CLSTN2: variants seen among roughly 807,000 people sequenced by gnomAD.
CLSTN2 encodes the protein calsyntenin-2.
CLSTN2 carries 48 observed loss-of-function variants against 101.2 expected under a neutral mutation model. That is an observed-to-expected ratio of 0.47 (90% CI 0.38 to 0.60). The LOEUF (loss-of-function observed/expected upper bound fraction) is 0.60. CLSTN2 is among the 20% of genes least tolerant of loss of function. CLSTN2 has a pLI of 0.00. For synonymous variants in CLSTN2, 481 were observed against 463.6 expected (o/e 1.04, Z -0.48); for missense variants, 1,160 against 1,238.2 (o/e 0.94, Z 0.95).
At chr3:140,171,695 A>ACGTATT (rs1559797230) in intron 1 of CLSTN2, among the ~76,000 whole-genome samples, 1 of 112,360 alleles carries the variant, frequency 8.9e-6, no homozygotes, top group East Asian at 2.3e-4. Context: ...AATATATATT[A>ACGTATT]ATATATAATA....
At chr3:140,524,980 T>C (rs967719824) in intron 8 of CLSTN2, among the ~76,000 whole-genome samples, 5 of 152,154 alleles carry the variant, frequency 3.3e-5, no homozygotes, top group African/African-American at 1.2e-4. Flanking sequence ...CTAAAATGCC[T>C]TCATTAAGAG....
At chr3:140,431,707 T>G (rs2088630066) in intron 5 of CLSTN2, among the ~76,000 whole-genome samples, 1 of 152,026 alleles carries the variant, frequency 6.6e-6, no homozygotes, top group Non-Finnish European at 1.5e-5. Context: ...CAGGGGTAGG[T>G]GATGGGGGAA....
intron 9 of CLSTN2, among the ~76,000 whole-genome samples, chr3:140,535,771 G>T (rs1304010121): frequency 6.6e-6 from 1 of 152,210 alleles, no homozygotes. Context: ...AGATGAAGGG[G>T]TTTACCCAAA....
In CLSTN2 at chr3:140,576,517, C is replaced by T. The variant is rs1985735026; in HGVS notation, c.*10264C>T. ...CCTTCTCCCTTGTCTGGAGCTGCCA[C>T]CGCCATTTAAAAGTGTTGGACGCTG... On this transcript the variant is annotated 3_prime_UTR_variant, in exon 17 of 17. Transcript: ENST00000458420. 6.6e-6 allele frequency: 1 copy of T among 152,290 alleles called. No individual in the cohort carries two copies. Among genetic ancestry groups the T allele is most frequent in the Admixed American group, 6.5e-5 (1 of 15,276 alleles). 9.4% of individuals were successfully genotyped at this position (152,290 alleles called of 1,614,324 possible).
chr3:140,037,447 G>T (rs988478675), intron 1 of CLSTN2, among the ~76,000 whole-genome samples: 3 of 151,920 alleles, frequency 2.0e-5, no homozygotes, highest in Non-Finnish European at 2.9e-5. Context: ...GCACAAACTA[G>T]ATGGAATTTG....
intron 4 of CLSTN2, among the ~76,000 whole-genome samples, chr3:140,415,035 A>G (rs1397108908): frequency 6.6e-6 from 1 of 152,106 alleles, no homozygotes. Context: ...AAATTCACAC[A>G]TATATAGTTA....
intron 2 of CLSTN2, among the ~76,000 whole-genome samples, chr3:140,316,461 C>G (rs879360341): frequency 6.6e-6 from 1 of 152,222 alleles, no homozygotes; most frequent in African/African-American, 2.4e-5. Context: ...AGTGCCCACA[C>G]TCTTGCAATT....
intron 2 of CLSTN2, among the ~76,000 whole-genome samples, chr3:140,229,634 A>G (rs148783832): frequency 1.6e-3 from 244 of 152,088 alleles, no homozygotes; most frequent in South Asian, 0.012. Context: ...GGAAATAGGT[A>G]CCTGAGTGAG....
At chr3:140,344,500 G>C (rs754887534) in intron 2 of CLSTN2, among the ~76,000 whole-genome samples, 3 of 152,168 alleles carry the variant, frequency 2.0e-5, no homozygotes, top group Non-Finnish European at 4.4e-5. Flanking sequence ...ATCACACCCA[G>C]TCCCTTTTCT....
At chr3:140,403,424 G>A (rs1405850228) in intron 2 of CLSTN2, among the ~76,000 whole-genome samples, 1 of 152,208 alleles carries the variant, frequency 6.6e-6, no homozygotes, top group Non-Finnish European at 1.5e-5. Context: ...TGCAGATCCA[G>A]TTCAGGAGGT....
chr3:139,996,202 G>A (rs1316471086), intron 1 of CLSTN2, among the ~76,000 whole-genome samples: 1 of 149,810 alleles, frequency 6.7e-6, no homozygotes, highest in Non-Finnish European at 1.5e-5. Flanking sequence ...TATAAAAACT[G>A]TCTTACTGGA....
Position 140,404,775 on chromosome 3 carries a change from C to T in CLSTN2, c.637+9C>T. On this transcript the variant is annotated intron_variant, in intron 4 of 16. Transcript: ENST00000458420. ...TGCCATCGACAGAAATGGTGAGTGA[C>T]CTCAGAGGACCCCTGTGGGGTCAGG... The T allele has an allele frequency of 6.2e-7, 1 of 1,612,702 alleles. No individual in the cohort carries two copies.
chr3:140,522,230 G>A (rs1281372203), intron 8 of CLSTN2, among the ~76,000 whole-genome samples: 1 of 152,222 alleles, frequency 6.6e-6, no homozygotes, highest in Non-Finnish European at 1.5e-5. Flanking sequence ...CAGTCCCAAT[G>A]TGAGAGTCTG....
chr3:140,280,570 T>C (rs1444766689), intron 2 of CLSTN2, among the ~76,000 whole-genome samples: 2 of 152,268 alleles, frequency 1.3e-5, no homozygotes, highest in Non-Finnish European at 1.5e-5. Flanking sequence ...AGATAAAGAA[T>C]GATAAGGACA....
chr3:140,076,070 C>A (rs911728283), intron 1 of CLSTN2, among the ~76,000 whole-genome samples: 3 of 152,140 alleles, frequency 2.0e-5, no homozygotes, highest in African/African-American at 7.2e-5. Context: ...CTTCCCATTT[C>A]CCCCTCTCCC....
intron 1 of CLSTN2, among the ~76,000 whole-genome samples, chr3:140,129,778 T>G (rs947740041): frequency 6.6e-6 from 1 of 152,146 alleles, no homozygotes; most frequent in Non-Finnish European, 1.5e-5. Flanking sequence ...GTGTTGAAGC[T>G]TGGAGCTGCC....
At chr3:139,971,411 G>A (rs1031773501) in intron 1 of CLSTN2, among the ~76,000 whole-genome samples, 6 of 152,100 alleles carry the variant, frequency 3.9e-5, no homozygotes, top group South Asian at 4.1e-4. Flanking sequence ...AGTGTTCCTC[G>A]GTGCCAGGCC....
At chr3:140,225,008 C>T (rs1467695409) in intron 2 of CLSTN2, among the ~76,000 whole-genome samples, 1 of 152,234 alleles carries the variant, frequency 6.6e-6, no homozygotes, top group East Asian at 1.9e-4. Flanking sequence ...GTGCGCCAGC[C>T]AGCCCTCCAA....
chr3:140,321,396 A>G (rs1261871142), intron 2 of CLSTN2, among the ~76,000 whole-genome samples: 1 of 152,102 alleles, frequency 6.6e-6, no homozygotes, highest in Non-Finnish European at 1.5e-5. Context: ...TGTGTCCCTC[A>G]GCCCCTTGGA....
Sources: allele counts gnomAD v4.1 joint callset (sites outside exome capture counted in the v4.1 genomes callset), GRCh38; gene constraint gnomAD v4.1.1; transcripts MANE v1.5; gene names NCBI Gene and HGNC (gene_info 2026-07-23, HGNC 2026-07-21).